Variants in NLGN1 observed in about 807,000 individuals in gnomAD.
NLGN1 encodes the protein neuroligin 1.
In NLGN1, 12 loss-of-function variants were observed where a neutral mutation model predicts 65.5. That is an observed-to-expected ratio of 0.18 (90% CI 0.12 to 0.30). The LOEUF (loss-of-function observed/expected upper bound fraction) is 0.30. NLGN1 is among the 10% of genes least tolerant of loss of function. The pLI, the probability that NLGN1 is intolerant of heterozygous loss-of-function variation, is 1.00. For missense variants in NLGN1, 750 were observed against 1,007.1 expected (o/e 0.74, Z 3.46); for synonymous variants, 350 against 359.5 (o/e 0.97, Z 0.30).
chr3:173,767,900 C>A lies in NLGN1; in HGVS notation c.494-39780C>A, dbSNP rs545347878. ...ATGCAATTGCACAAGTCATTTTAAT[C>A]TCTGCCTTTGAATAATTACATTTTT... On this transcript the variant is annotated intron_variant, in intron 3 of 6. Transcript: ENST00000457714. 4.3e-4 allele frequency among the ~76,000 whole-genome samples: 65 copies of A among 152,178 alleles called. 1 individual carries two copies. The highest frequency in any genetic ancestry group is 3.4e-3 in the Middle Eastern group (1 of 292).
chr3:174,194,186 C>T (rs555767560), intron 4 of NLGN1, among the ~76,000 whole-genome samples: 72 of 152,096 alleles, frequency 4.7e-4, no homozygotes, highest in African/African-American at 1.4e-3. Context: ...TGGCCAGGCG[C>T]GGTGGCTCAC....
At chr3:173,739,779 C>T (rs975377919) in intron 3 of NLGN1, among the ~76,000 whole-genome samples, 2 of 152,056 alleles carry the variant, frequency 1.3e-5, no homozygotes, top group Admixed American at 6.6e-5. Context: ...TTCAGTTAAC[C>T]ATCCTCAGTA....
At chr3:173,502,898 T>TTA (rs1731389090) in intron 2 of NLGN1, among the ~76,000 whole-genome samples, 1 of 152,134 alleles carries the variant, frequency 6.6e-6, no homozygotes, top group South Asian at 2.1e-4. Context: ...CTTGAAAGAC[T>TTA]TATATTTGAA....
chr3:173,627,808 A>C (rs1327210540), intron 3 of NLGN1, among the ~76,000 whole-genome samples: 1 of 152,056 alleles, frequency 6.6e-6, no homozygotes, highest in Non-Finnish European at 1.5e-5. Context: ...TTATTCAAGC[A>C]GCTGACTGTA....
chr3:173,760,630 C>T (rs1560314941), intron 3 of NLGN1, among the ~76,000 whole-genome samples: 1 of 151,932 alleles, frequency 6.6e-6, no homozygotes, highest in African/African-American at 2.4e-5. Flanking sequence ...TAGTAAGTAG[C>T]TCAGTCTAAT....
chr3:173,482,123 G>C (rs13319400), intron 2 of NLGN1, among the ~76,000 whole-genome samples: 1,630 of 151,690 alleles, frequency 0.011, 29 homozygotes, highest in African/African-American at 0.038. Context: ...TGTTCACTTG[G>C]GTGTAATCAA....
intron 3 of NLGN1, among the ~76,000 whole-genome samples, chr3:173,687,578 A>G (rs1443204257): frequency 2.0e-5 from 3 of 152,232 alleles, no homozygotes; most frequent in Admixed American, 1.3e-4. Flanking sequence ...GGACTTATAA[A>G]ACAGTTGTAT....
chr3:173,416,362 C>T lies in NLGN1; in HGVS notation c.-390+17875C>T, dbSNP rs80281314. On this transcript the variant is annotated intron_variant, in intron 1 of 6. Transcript: ENST00000457714. ...GAGATAGTATATGCAGAATATGCAG[C>T]ACCTCATTGGAATGATTTCATTCTG... Among the ~76,000 whole-genome samples, 37 of 152,286 alleles carry T rather than the reference C, an allele frequency of 2.4e-4. No homozygotes were observed. In the East Asian group the frequency reaches 7.0e-3, roughly 29 times the overall value.
chr3:174,076,679 TAGAGAGAGAGAG>T lies in NLGN1; in HGVS notation c.647-198601_647-198590del, dbSNP rs3979619. 9.2e-3 allele frequency among the ~76,000 whole-genome samples: 851 copies of T among 92,884 alleles called. 8 individuals are homozygous for T. Among genetic ancestry groups the T allele is most frequent in the South Asian group, 0.034 (76 of 2,266 alleles). The allele number at this position is 92,884 out of a possible 152,430, so 60.9% of individuals were successfully genotyped here. A position where few individuals can be genotyped will look rare whatever the true frequency, so the allele number is the denominator to read the frequency against. On this transcript the variant is annotated intron_variant, in intron 4 of 6. Transcript: ENST00000457714. ...ATAGTTCCTTTCTCCTCTGGGACCA[TAGAGAGAGAGAG>T]AGAGAGAGAGAGAGAGAGAGAGAGA...
intron 3 of NLGN1, among the ~76,000 whole-genome samples, chr3:173,679,051 A>G (rs538445808): frequency 3.3e-5 from 5 of 151,988 alleles, no homozygotes; most frequent in Admixed American, 6.6e-5. Flanking sequence ...GACACTCAGG[A>G]AATCACAAAT....
At chr3:173,474,863 C>T (rs1456530073) in intron 2 of NLGN1, among the ~76,000 whole-genome samples, 1 of 151,816 alleles carries the variant, frequency 6.6e-6, no homozygotes, top group Non-Finnish European at 1.5e-5. Context: ...GAGGCTGAGG[C>T]AGGAGAATTG....
intron 2 of NLGN1, among the ~76,000 whole-genome samples, chr3:173,553,358 A>G (rs938777980): frequency 1.3e-5 from 2 of 152,332 alleles, no homozygotes; most frequent in African/African-American, 2.4e-5. Flanking sequence ...AGGAATGGCA[A>G]TTACTCTTTA....
In NLGN1 at chr3:174,091,875, TC is replaced by T. The variant is rs554704728; in HGVS notation, c.647-183436del. 1.4e-4 allele frequency among the ~76,000 whole-genome samples: 22 copies of T among 152,212 alleles called. No individual in the cohort carries two copies. The South Asian group carries it at 4.6e-3, about 32-fold the overall frequency. Reference sequence around the variant, plus strand: ...GATTATTTTACTACTGTTATAAGCCTCCCCAAACATGGCCAAGTCCCAAAGG... The same window carrying T: ...GATTATTTTACTACTGTTATAAGCCTCCCAAACATGGCCAAGTCCCAAAGG... On this transcript the variant is annotated intron_variant, in intron 4 of 6. Transcript: ENST00000457714.
chr3:174,273,508 G>C (rs1423312152), intron 4 of NLGN1, among the ~76,000 whole-genome samples: 2 of 151,596 alleles, frequency 1.3e-5, no homozygotes, highest in African/African-American at 4.8e-5. Flanking sequence ...AAGAATTCCT[G>C]CCATGCTTCT....
intron 3 of NLGN1, among the ~76,000 whole-genome samples, chr3:173,680,669 C>A (rs1368113744): frequency 1.3e-5 from 2 of 152,134 alleles, no homozygotes; most frequent in African/African-American, 4.8e-5. Flanking sequence ...GATGATATTT[C>A]TGCATACATT....
intron 2 of NLGN1, among the ~76,000 whole-genome samples, chr3:173,444,368 T>C (rs796324592): frequency 3.5e-4 from 54 of 152,324 alleles, no homozygotes; most frequent in African/African-American, 9.9e-4. Context: ...AAATGGAAGA[T>C]AAAAGTTAGA....
intron 4 of NLGN1, among the ~76,000 whole-genome samples, chr3:173,979,553 A>G (rs1375775684): frequency 6.6e-6 from 1 of 152,080 alleles, no homozygotes; most frequent in East Asian, 1.9e-4. Flanking sequence ...AAAAGAAGTG[A>G]CAATGTGAAG....
At chr3:174,046,955 A>G (rs1301977866) in intron 4 of NLGN1, among the ~76,000 whole-genome samples, 4 of 152,032 alleles carry the variant, frequency 2.6e-5, no homozygotes, top group Admixed American at 6.6e-5. Context: ...ATAAATCTAC[A>G]TTGAATGTAA....
At chr3:174,079,736 G>T (rs372853372) in intron 4 of NLGN1, among the ~76,000 whole-genome samples, 11 of 152,260 alleles carry the variant, frequency 7.2e-5, no homozygotes, top group African/African-American at 2.6e-4. Flanking sequence ...TCCTTTGCAG[G>T]AACATGGATA....
Sources: gnomAD v4.1 joint callset for allele counts (sites outside exome capture counted in the v4.1 genomes callset) on GRCh38, gnomAD v4.1.1 for gene constraint, MANE v1.5 for transcripts, NCBI Gene and HGNC (gene_info 2026-07-23, HGNC 2026-07-21) for gene names.